CA7: variants seen among roughly 807,000 people sequenced by gnomAD.
CA7 encodes the protein carbonate dehydratase VII.
CA7 carries 13 observed loss-of-function variants against 31.4 expected under a neutral mutation model. That is an observed-to-expected ratio of 0.41 (90% CI 0.27 to 0.66). The LOEUF is 0.66. CA7 is among the 30% of genes least tolerant of loss of function. The pLI is 0.28. For missense variants in CA7, 215 were observed against 351.0 expected, an observed-to-expected ratio of 0.61 and a Z score of 3.10; for synonymous variants, 128 against 133.2, an observed-to-expected ratio of 0.96 and a Z score of 0.27.
chr16:66,852,666 A>C, intron 5 of CA7, 46 bp from the exon 6 acceptor site: 1 of 1,479,202 alleles, frequency 6.8e-7, no homozygotes, highest in Non-Finnish European at 9.1e-7. Context: ...GTTTGGTCCC[A>C]GTGGGAGGTC....
chr16:66,851,590 C>T, intron 4 of CA7, 32 bp downstream of exon 4: 1 of 1,612,334 alleles, frequency 6.2e-7, no homozygotes, highest in South Asian at 1.1e-5. Context: ...CCTGGAGGGG[C>T]ATGGGAGGCC....
chr16:66,852,962 C>A, intron 6 of CA7, 95 bp downstream of exon 6: 1 of 1,143,468 alleles, frequency 8.7e-7, no homozygotes, highest in Non-Finnish European at 1.2e-6. Context: ...AGCCCGTGAT[C>A]CCACCTTCAA....
At chr16:66,849,473 A>G (rs1960993785) in intron 2 of CA7, among the ~76,000 whole-genome samples, 1 of 152,184 alleles carries the variant, frequency 6.6e-6, no homozygotes, top group Non-Finnish European at 1.5e-5. Flanking sequence ...TTGCTGTGTG[A>G]CCTTGAGCAA....
rs780398265 is a variant in CA7 at position 66,847,168 on chromosome 16, G to A, written c.179G>A (p.Ser60Asn). 1.9e-6 allele frequency: 3 copies of A among 1,614,060 alleles called. No individual in the cohort carries two copies. Among genetic ancestry groups the A allele is most frequent in the Non-Finnish European group, 2.5e-6 (3 of 1,180,038 alleles). The part of the protein sequence containing the change: ...ELSYEACMSL[S>N]ITNNGHSVQV... ...TCCTATGAGGCCTGCATGTCCCTCA[G>A]CATCACCAACAATGGCCACTCTGTC... Residue 60 changes from serine to asparagine, a missense_variant, in exon 2 of 7, where the codon AGC becomes AAC. Transcript: ENST00000338437.
intron 5 of CA7, 91 bp from the exon 6 acceptor site, chr16:66,852,621 A>G (rs1036181307): frequency 6.4e-5 from 57 of 885,324 alleles, no homozygotes; most frequent in Non-Finnish European, 1.6e-5. Context: ...AAAGAAAAGA[A>G]AAAAGAAAGA....
chr16:66,845,273 C>A, intron 1 of CA7: 49 of 885,068 alleles, frequency 5.5e-5, no homozygotes, highest in East Asian at 1.2e-4. Flanking sequence ...CTGGGGCAGT[C>A]AATTCCCTTT....
intron 2 of CA7, 28 bp downstream of exon 2, chr16:66,847,255 C>G: frequency 6.3e-7 from 1 of 1,596,950 alleles, no homozygotes; most frequent in African/African-American, 1.3e-5. Context: ...AAGCCTGGCA[C>G]CTGGCCCCTG....
chr16:66,852,609 AAAAAGAAAAG>A lies in CA7; in HGVS notation c.517-98_517-89del, dbSNP rs911181111. ...AAGAAAAAAAAAAGAAAAGAAAAGA[AAAAAGAAAAG>A]AAAAAAGAAAGAAAGAGATGGGTGG... On this transcript the variant is annotated intron_variant, in intron 5 of 6. Transcript: ENST00000338437. 1.1e-5 allele frequency: 4 copies of A among 356,870 alleles called. No individual in the cohort carries two copies. The South Asian group carries it at 3.6e-4, about 32-fold the overall frequency. 22.1% of individuals were successfully genotyped at this position (356,870 alleles called of 1,614,324 possible).
At chr16:66,844,800 C>G (rs1960888535) in intron 1 of CA7, 10 of 819,334 alleles carry the variant, frequency 1.2e-5, no homozygotes, top group African/African-American at 1.8e-5. Context: ...CCCTGATTGC[C>G]CAGCCCGCTC....
In CA7 at chr16:66,851,500, C is replaced by G; in HGVS notation, c.395C>G (p.Thr132Ser). ...LVHWNAKKYS[T>S]FGEAASAPDG... ...CACTGGAATGCCAAGAAGTACAGCA[C>G]TTTTGGGGAGGCGGCCTCAGCACCT... The change falls in exon 4 of 7, where the codon ACT becomes AGT. Residue 132 changes from threonine (T) to serine (S), a missense_variant. Coordinates refer to ENST00000338437, the MANE Select transcript of CA7 (RefSeq NM_005182.3). 6.2e-7 allele frequency: 1 copy of G among 1,614,138 alleles called. No homozygotes were observed.
At chr16:66,851,781 G>A (rs1961062046) in intron 5 of CA7, 55 bp downstream of exon 5, 1 of 1,526,546 alleles carries the variant, frequency 6.6e-7, no homozygotes, top group Non-Finnish European at 9.0e-7. Context: ...GAAGAGGCTG[G>A]CTCACAAGTT....
intron 1 of CA7, chr16:66,845,062 G>A: frequency 1.0e-6 from 1 of 985,982 alleles, no homozygotes; most frequent in Non-Finnish European, 1.2e-6. Flanking sequence ...GGGGGCACTT[G>A]GGGGCGCAAG....
intron 3 of CA7, 141 bp downstream of exon 3, chr16:66,850,800 C>A: frequency 1.5e-6 from 1 of 655,750 alleles, no homozygotes; most frequent in Non-Finnish European, 2.8e-6. Flanking sequence ...GAGATATTTT[C>A]TACCCACCCC....
At position 66,853,815 on chromosome 16, in the gene CA7, G is replaced by T; in HGVS notation, c.*317G>T. 1 of 331,138 alleles carries T rather than the reference G, an allele frequency of 3.0e-6. No homozygotes were observed. The highest frequency in any genetic ancestry group is 5.7e-6 in the Non-Finnish European group (1 of 175,918). 20.5% of individuals were successfully genotyped at this position (331,138 alleles called of 1,614,324 possible). A position where few individuals can be genotyped will look rare whatever the true frequency, so the allele number is the denominator to read the frequency against. On this transcript the variant is annotated 3_prime_UTR_variant, in exon 7 of 7. Transcript: ENST00000338437. The surrounding 1 kb of genome is among the most constrained non-coding windows in gnomAD (Gnocchi z 4.5). Reference sequence around the variant, plus strand: ...CAGTGGCAGCAGCCCCACCCCGAGCGCACACTGTGATGGAGGAGACTGAGC... The same window carrying T: ...CAGTGGCAGCAGCCCCACCCCGAGCTCACACTGTGATGGAGGAGACTGAGC...
rs1317831546 is a variant in CA7, at chr16:66,853,389, G to A, written c.686G>A (p.Arg229Gln). Residue 229 changes from arginine to glutamine, a missense_variant, in exon 7 of 7, where the codon CGG (arginine) becomes CAG (glutamine). By Grantham distance (43) the Arg-to-Gln change is conservative. Transcript: ENST00000338437. The surrounding 1 kb of genome is among the most constrained non-coding windows in gnomAD (Gnocchi z 4.5). The stretch of plus-strand genomic sequence containing the variant: ...TGCTTCCTCAAGATGGGGAAGTTCC[G>A]GAGCCTGCTTTTTACCTCGGAGGAC... ...CISERQMGKF[R>Q]SLLFTSEDDE... 6.2e-6 allele frequency: 10 copies of A among 1,614,112 alleles called. No homozygotes were observed. The highest frequency in any genetic ancestry group is 1.6e-4 in the Middle Eastern group (1 of 6,062).
intron 4 of CA7, 47 bp from the exon 5 acceptor site, chr16:66,851,617 T>C: frequency 6.2e-7 from 1 of 1,612,784 alleles, no homozygotes; most frequent in Non-Finnish European, 8.5e-7. Context: ...TGCCCCTAGT[T>C]CTAGAACACA....
At chr16:66,850,767 A>T in intron 3 of CA7, 108 bp downstream of exon 3, 1 of 805,092 alleles carries the variant, frequency 1.2e-6, no homozygotes, top group Non-Finnish European at 2.2e-6. Flanking sequence ...GAGGGGGAAG[A>T]GGAGCACCCG....
intron 1 of CA7, among the ~76,000 whole-genome samples, chr16:66,846,024 T>C (rs1960921178): frequency 6.6e-6 from 1 of 152,110 alleles, no homozygotes; most frequent in Non-Finnish European, 1.5e-5. Context: ...CAGGAAAACT[T>C]AAGAAGCCAA....
chr16:66,849,888 G>A (rs749326386), intron 2 of CA7, among the ~76,000 whole-genome samples: 3 of 152,316 alleles, frequency 2.0e-5, no homozygotes, highest in East Asian at 3.9e-4. Context: ...GAAGGCTGAG[G>A]TGGGCAGATC....
Sources: gnomAD v4.1 joint callset for allele counts (sites outside exome capture counted in the v4.1 genomes callset) on GRCh38, gnomAD v4.1.1 for gene constraint, Gnocchi (gnomAD v3.1) non-coding constraint, MANE v1.5 for transcripts, NCBI Gene and HGNC (gene_info 2026-07-23, HGNC 2026-07-21) for gene names.